The following CLEC9A variants were observed in gnomAD, a reference collection of about 807,000 sequenced individuals.
CLEC9A encodes the protein C-type lectin domain containing 9A.
A neutral mutation model predicts 30.0 loss-of-function variants in CLEC9A; 24 were observed. The observed-to-expected ratio is 0.80, with a 90% CI of 0.58 to 1.13. The LOEUF (loss-of-function observed/expected upper bound fraction) is 1.13, where lower values mean the gene tolerates loss of function less well. Among genes scored for constraint, CLEC9A ranks in the 50% most tolerant of loss-of-function variants. The pLI is 0.00. For missense variants in CLEC9A, 251 were observed against 280.9 expected (o/e 0.89, Z 0.76); for synonymous variants, 111 against 96.8 (o/e 1.15, Z -0.86).
chr12:10,049,091 A>G (rs1046971995), intron 2 of CLEC9A, among the ~76,000 whole-genome samples: 4 of 152,134 alleles, frequency 2.6e-5, no homozygotes, highest in South Asian at 2.1e-4. Flanking sequence ...GTACATCTTC[A>G]TCGGAGCTCT....
At chr12:10,037,436 G>C (rs1431803259) in intron 1 of CLEC9A, among the ~76,000 whole-genome samples, 1 of 152,094 alleles carries the variant, frequency 6.6e-6, no homozygotes, top group African/African-American at 2.4e-5. Flanking sequence ...GGTGGCCAGA[G>C]ACCATTCAGG....
At chr12:10,042,177 A>T (rs1865803245) in intron 2 of CLEC9A, among the ~76,000 whole-genome samples, 1 of 152,230 alleles carries the variant, frequency 6.6e-6, no homozygotes, top group African/African-American at 2.4e-5. Flanking sequence ...AGAAAGGTAT[A>T]GTTGAATTTC....
intron 2 of CLEC9A, among the ~76,000 whole-genome samples, chr12:10,051,181 G>A (rs1865889672): frequency 6.6e-6 from 1 of 151,614 alleles, no homozygotes; most frequent in Non-Finnish European, 1.5e-5. Context: ...CTCCAGCCTG[G>A]GCGACAAGAG....
At chr12:10,056,587 A>AT (rs1865946164) in intron 5 of CLEC9A, among the ~76,000 whole-genome samples, 1 of 152,180 alleles carries the variant, frequency 6.6e-6, no homozygotes, top group Non-Finnish European at 1.5e-5. Context: ...AAGAATGAAC[A>AT]TTTTCTTGAA....
chr12:10,058,108 C>T (rs1002948181), intron 5 of CLEC9A, among the ~76,000 whole-genome samples: 3 of 152,122 alleles, frequency 2.0e-5, no homozygotes, highest in African/African-American at 7.2e-5. Context: ...TAGGGTAAAA[C>T]TCTGAAGAGA....
At position 10,053,027 on chromosome 12, in the gene CLEC9A, G is replaced by C. The variant is rs532561423; in HGVS notation, c.91+249G>C. On this transcript the variant is annotated intron_variant, in intron 4 of 8. Transcript: ENST00000355819. ...CTCTAGAAAAGAAAAGCAATACCTA[G>C]ATTTGGGAAATACGTGAAAAAAATA... Among the ~76,000 whole-genome samples, 9 of 152,114 alleles carry C rather than the reference G, an allele frequency of 5.9e-5. No homozygotes were observed. In the South Asian group the frequency reaches 1.9e-3, roughly 32 times the overall value.
intron 5 of CLEC9A, among the ~76,000 whole-genome samples, chr12:10,056,192 T>G (rs1865941872): frequency 1.3e-5 from 2 of 152,010 alleles, no homozygotes; most frequent in Non-Finnish European, 2.9e-5. Flanking sequence ...ATAAATCATG[T>G]TCCTAAGATA....
intron 1 of CLEC9A, among the ~76,000 whole-genome samples, chr12:10,036,938 T>C (rs1319696418): frequency 6.6e-6 from 1 of 152,026 alleles, no homozygotes; most frequent in African/African-American, 2.4e-5. Flanking sequence ...CACAGGAAAT[T>C]CTCACTTAAC....
intron 6 of CLEC9A, 84 bp from the exon 7 acceptor site, chr12:10,062,971 G>C: frequency 8.4e-7 from 1 of 1,194,052 alleles, no homozygotes; most frequent in Non-Finnish European, 1.2e-6. Flanking sequence ...GCCTCACTGA[G>C]GGTGAGGCAA....
rs748127904 is a variant in CLEC9A at position 10,065,584 on chromosome 12, G to C, written c.678G>C (p.Thr226=). The change falls in exon 9 of 9, where the codon ACG becomes ACC. Residue 226 remains threonine (T), a synonymous_variant. Transcript: ENST00000355819. The stretch of plus-strand genomic sequence containing the variant: ...CCCTTCTTTCGTCTAACTGCAGCAC[G>C]TGGAAGTATTTTATCTGTGAGAAGT... ...SNSLLSSNCS[T]WKYFICEKYA... 1 of 1,613,772 alleles carries C rather than the reference G, an allele frequency of 6.2e-7. No individual in the cohort carries two copies. The highest frequency in any genetic ancestry group is 2.2e-5 in the East Asian group (1 of 44,890).
In CLEC9A at chr12:10,061,382, T is replaced by C. The variant is rs1451681939; in HGVS notation, c.319+109T>C. Reference sequence around the variant, plus strand: ...TCTCTGCAAAACTGTTAGGATTTTATAATAAGAGTGACATAATTTTGGTCA... The same window carrying C: ...TCTCTGCAAAACTGTTAGGATTTTACAATAAGAGTGACATAATTTTGGTCA... On this transcript the variant is annotated intron_variant, in intron 6 of 8. Coordinates refer to ENST00000355819, the MANE Select transcript of CLEC9A (RefSeq NM_207345.4). 4 of 1,142,040 alleles carry C rather than the reference T, an allele frequency of 3.5e-6. No individual in the cohort carries two copies. The East Asian group carries it at 8.4e-5, about 24-fold the overall frequency. The allele number at this position is 1,142,040 out of a possible 1,614,324, so 70.7% of individuals were successfully genotyped here. A position where few individuals can be genotyped will look rare whatever the true frequency, so the allele number is the denominator to read the frequency against.
chr12:10,062,862 G>A (rs902207161), intron 6 of CLEC9A, among the ~76,000 whole-genome samples, 193 bp from the exon 7 acceptor site: 1 of 152,146 alleles, frequency 6.6e-6, no homozygotes, highest in African/African-American at 2.4e-5. Flanking sequence ...AAGGCCCATT[G>A]CAGATAGAAA....
intron 1 of CLEC9A, among the ~76,000 whole-genome samples, chr12:10,039,787 G>A (rs923996562): frequency 1.3e-5 from 2 of 151,814 alleles, no homozygotes; most frequent in African/African-American, 4.8e-5. Flanking sequence ...TTATTTCTTC[G>A]TTATTTACCT....
chr12:10,058,141 T>C (rs1323793146), intron 5 of CLEC9A, among the ~76,000 whole-genome samples: 1 of 152,200 alleles, frequency 6.6e-6, no homozygotes, highest in Non-Finnish European at 1.5e-5. Context: ...CTTTCTCCAG[T>C]TTTATTACAG....
intron 5 of CLEC9A, among the ~76,000 whole-genome samples, chr12:10,059,075 T>G (rs1005526712): frequency 6.6e-6 from 1 of 152,228 alleles, no homozygotes; most frequent in Non-Finnish European, 1.5e-5. Flanking sequence ...CTATACAATA[T>G]GTCTATTCAA....
At chr12:10,032,285 A>T (rs1292133280) in intron 1 of CLEC9A, among the ~76,000 whole-genome samples, 1 of 152,122 alleles carries the variant, frequency 6.6e-6, no homozygotes, top group Non-Finnish European at 1.5e-5. Context: ...ACAGCCACAC[A>T]GGTTTCTGAA....
chr12:10,055,726 A>G (rs1865936250), intron 5 of CLEC9A, among the ~76,000 whole-genome samples: 1 of 152,086 alleles, frequency 6.6e-6, no homozygotes, highest in Non-Finnish European at 1.5e-5. Context: ...TACTATATAG[A>G]CAAAAATCAT....
rs761860260 is a variant in CLEC9A at position 10,052,602 on chromosome 12, C to T, written c.-58-28C>T. On this transcript the variant is annotated intron_variant, in intron 3 of 8. Transcript: ENST00000355819. ...TGTGAAAATGTAACCAATTTCAGTT[C>T]TTACACCAACCTGCTCCAAACCACA... 4.8e-5 allele frequency: 75 copies of T among 1,551,544 alleles called. 1 individual carries two copies. The highest frequency in any genetic ancestry group is 6.5e-5 in the Non-Finnish European group (75 of 1,148,128).
chr12:10,040,537 G>A (rs1264017866), intron 1 of CLEC9A, among the ~76,000 whole-genome samples: 2 of 150,026 alleles, frequency 1.3e-5, no homozygotes, highest in Non-Finnish European at 3.0e-5. Context: ...TGTAAGTTCC[G>A]CCTCCCAGGT....
Sources: allele counts gnomAD v4.1 joint callset (sites outside exome capture counted in the v4.1 genomes callset), GRCh38; gene constraint gnomAD v4.1.1; transcripts MANE v1.5; gene names NCBI Gene and HGNC (gene_info 2026-07-23, HGNC 2026-07-21).